The following GRAMD1B variants were observed in gnomAD, a reference collection of about 807,000 sequenced individuals.
GRAMD1B encodes the protein GRAM domain containing 1B.
Under a neutral mutation model 99.7 loss-of-function variants are expected in GRAMD1B, and 37 were observed. The observed-to-expected ratio is 0.37, with a 90% CI of 0.29 to 0.49. The LOEUF (loss-of-function observed/expected upper bound fraction) is 0.49, where lower values mean the gene tolerates loss of function less well. Ranked by LOEUF, GRAMD1B falls within the 20% of genes least tolerant of loss-of-function variation. The probability of loss-of-function intolerance (pLI) is 0.98; values close to 1 mark genes in which losing one functional copy is unlikely to be tolerated. For synonymous variants in GRAMD1B, 427 were observed against 387.6 expected (o/e 1.10, Z -1.19); for missense variants, 888 against 1,009.2 (o/e 0.88, Z 1.63).
intron 7 of GRAMD1B, chr11:123,598,477 G>A: frequency 9.2e-7 from 1 of 1,084,382 alleles, no homozygotes; most frequent in Non-Finnish European, 1.4e-6. Flanking sequence ...TCATAGATTT[G>A]GGCTTCTAGA....
Position 123,610,249 on chromosome 11 carries a change from C to G in GRAMD1B, c.1830C>G (p.Val610=), listed in dbSNP as rs1168236479. The G allele has an allele frequency of 6.2e-7, 1 of 1,613,732 alleles. No individual in the cohort carries two copies. The highest frequency in any genetic ancestry group is 1.1e-5 in the South Asian group (1 of 91,066). Reference sequence around the variant, plus strand: ...AATGTTACGTGATAGATGCCGAAGTCCTCACCCACGACGTGCCCTACCATG... The same window carrying G: ...AATGTTACGTGATAGATGCCGAAGTGCTCACCCACGACGTGCCCTACCATG... The part of the protein sequence containing the change: ...ESECYVIDAE[V]LTHDVPYHDY... The change falls in exon 14 of 20, where the codon GTC becomes GTG. Residue 610 remains valine, a synonymous_variant. Coordinates refer to ENST00000635736, the MANE Select transcript of GRAMD1B (RefSeq NM_001387025.1). The surrounding 1 kb of genome is among the most constrained non-coding windows in gnomAD (Gnocchi z 4.1).
chr11:123,502,634 A>G (rs9737362), intron 2 of GRAMD1B, among the ~76,000 whole-genome samples: 96,107 of 151,826 alleles, frequency 0.63, 30,997 homozygotes, highest in Middle Eastern at 0.71. Flanking sequence ...AATTAGCCAG[A>G]TGTGGAAGTG....
At chr11:123,518,988 A>G (rs1941940370) in intron 2 of GRAMD1B, among the ~76,000 whole-genome samples, 1 of 152,210 alleles carries the variant, frequency 6.6e-6, no homozygotes, top group Non-Finnish European at 1.5e-5. Flanking sequence ...CCAGGAGGCC[A>G]TAGGAGCAGA....
chr11:123,443,759 T>G (rs902480950), intron 1 of GRAMD1B, among the ~76,000 whole-genome samples: 5 of 152,130 alleles, frequency 3.3e-5, no homozygotes, highest in African/African-American at 1.2e-4. Context: ...ATTTTTGTAT[T>G]TTTAGTAGAG....
intron 1 of GRAMD1B, among the ~76,000 whole-genome samples, chr11:123,433,983 A>G (rs1485216791): frequency 6.6e-6 from 1 of 152,086 alleles, no homozygotes; most frequent in Non-Finnish European, 1.5e-5. Flanking sequence ...TAATCCTAGC[A>G]CTTTGGGAGG....
intron 17 of GRAMD1B, chr11:123,618,440 G>A: frequency 1.6e-6 from 2 of 1,238,758 alleles, no homozygotes; most frequent in Non-Finnish European, 2.4e-6. Context: ...CCCAGGTTCT[G>A]GGTGCCTATG....
chr11:123,387,487 A>G (rs1003416407), intron 1 of GRAMD1B, among the ~76,000 whole-genome samples: 2 of 152,064 alleles, frequency 1.3e-5, no homozygotes, highest in African/African-American at 4.8e-5. Flanking sequence ...TGGCAAACAA[A>G]AGATGGGCAT....
chr11:123,607,497 C>T (rs180950872), intron 11 of GRAMD1B, among the ~76,000 whole-genome samples: 6 of 152,340 alleles, frequency 3.9e-5, no homozygotes, highest in African/African-American at 1.4e-4. Context: ...GGACACCTCT[C>T]CCAGGGGCCA....
chr11:123,569,481 A>G (rs566440716), intron 2 of GRAMD1B, among the ~76,000 whole-genome samples: 5 of 152,310 alleles, frequency 3.3e-5, no homozygotes, highest in African/African-American at 1.2e-4. Context: ...GTGACTAGTG[A>G]TAGTACAGAA....
At chr11:123,608,267 C>T (rs2136906964) in intron 11 of GRAMD1B, 3 of 548,740 alleles carry the variant, frequency 5.5e-6, no homozygotes, top group South Asian at 2.3e-5. Flanking sequence ...AATTTGTTGT[C>T]GATTAGAGTT....
rs766015325 is a variant in GRAMD1B, at chr11:123,594,153, G to A, written c.756G>A (p.Glu252=). Residue 252 remains glutamate, a synonymous_variant, in exon 5 of 20, where the codon GAG becomes GAA. Transcript: ENST00000635736. ...RKLFKQLPDT[E]RLIVDYSCAL... ...TCTTTAAGCAGCTTCCAGACACGGA[G>A]CGCCTCATTGTTGGTGAGTTGGGTG... 17 of 1,611,422 alleles carry A rather than the reference G, an allele frequency of 1.1e-5. No homozygotes were observed. The East Asian group carries it at 1.3e-4, about 13-fold the overall frequency.
At position 123,623,965 on chromosome 11, in the gene GRAMD1B, C is replaced by A. The variant is rs1955355197; in HGVS notation, c.*1370C>A. Reference sequence around the variant, plus strand: ...CACTAGCTTCAAAGAGTGAGACATTCAGGGCCTTTTCAGCATTGGCCCACT... The same window carrying A: ...CACTAGCTTCAAAGAGTGAGACATTAAGGGCCTTTTCAGCATTGGCCCACT... On this transcript the variant is annotated 3_prime_UTR_variant, in exon 20 of 20. Coordinates refer to ENST00000635736, the MANE Select transcript of GRAMD1B (RefSeq NM_001387025.1). 6.6e-6 allele frequency: 1 copy of A among 152,234 alleles called. No individual in the cohort carries two copies. Among genetic ancestry groups the A allele is most frequent in the South Asian group, 2.1e-4 (1 of 4,826 alleles). The allele number at this position is 152,234 out of a possible 1,614,324, so 9.4% of individuals were successfully genotyped here. A position where few individuals can be genotyped will look rare whatever the true frequency, so the allele number is the denominator to read the frequency against.
chr11:123,430,783 G>C lies in GRAMD1B; in HGVS notation c.-10G>C, dbSNP rs940022088. 1.0e-5 allele frequency: 7 copies of C among 670,040 alleles called. No homozygotes were observed. In the East Asian group the frequency reaches 1.9e-4, roughly 18 times the overall value. 41.5% of individuals were successfully genotyped at this position (670,040 alleles called of 1,614,324 possible). Reference sequence around the variant, plus strand: ...GAGGGCTCAGGGGGAGCGCAGAGGCGACGGCCCCCATGCCGGCGGCCAACA... The same window carrying C: ...GAGGGCTCAGGGGGAGCGCAGAGGCCACGGCCCCCATGCCGGCGGCCAACA... On this transcript the variant is annotated 5_prime_UTR_variant, in exon 1 of 20. Coordinates refer to ENST00000635736, the MANE Select transcript of GRAMD1B (RefSeq NM_001387025.1).
intron 1 of GRAMD1B, among the ~76,000 whole-genome samples, chr11:123,406,822 C>CA (rs1947872872): frequency 6.6e-6 from 1 of 152,140 alleles, no homozygotes; most frequent in Non-Finnish European, 1.5e-5. Flanking sequence ...TACCAATATA[C>CA]AATAATTGTC....
At chr11:123,363,660 C>T (rs918675844) in intron 1 of GRAMD1B, among the ~76,000 whole-genome samples, 4 of 151,930 alleles carry the variant, frequency 2.6e-5, no homozygotes, top group Admixed American at 6.6e-5. Context: ...ATCTCATTGG[C>T]GGCTAAAAAT....
At chr11:123,446,196 CTCTT>C (rs1375526231) in intron 1 of GRAMD1B, among the ~76,000 whole-genome samples, 7 of 152,038 alleles carry the variant, frequency 4.6e-5, no homozygotes, top group Admixed American at 4.6e-4. Context: ...GATGGAGTCT[CTCTT>C]TGTCGCCCAG....
At chr11:123,606,850 A>G in intron 11 of GRAMD1B, 52 bp downstream of exon 11, 1 of 1,417,568 alleles carries the variant, frequency 7.1e-7, no homozygotes. Flanking sequence ...TTTGAAGGCT[A>G]AAAGGAGATC....
intron 1 of GRAMD1B, among the ~76,000 whole-genome samples, chr11:123,394,385 T>C (rs1332923105): frequency 1.3e-5 from 2 of 152,226 alleles, no homozygotes; most frequent in Non-Finnish European, 2.9e-5. Flanking sequence ...TGCTTTTGCA[T>C]ATACTATTCC....
chr11:123,397,332 C>G (rs771092943), intron 1 of GRAMD1B, among the ~76,000 whole-genome samples: 1 of 152,030 alleles, frequency 6.6e-6, no homozygotes, highest in Non-Finnish European at 1.5e-5. Context: ...TGCTTGAACC[C>G]GGGAGTTTGC....
Sources: gnomAD v4.1 joint callset for allele counts (sites outside exome capture counted in the v4.1 genomes callset) on GRCh38, gnomAD v4.1.1 for gene constraint, Gnocchi (gnomAD v3.1) non-coding constraint, MANE v1.5 for transcripts, NCBI Gene and HGNC (gene_info 2026-07-23, HGNC 2026-07-21) for gene names.